LRRC49: variants seen among roughly 807,000 people sequenced by gnomAD.
The protein encoded by LRRC49 is leucine rich repeat containing 49.
LRRC49 carries 50 observed loss-of-function variants against 83.3 expected under a neutral mutation model. That is an observed-to-expected ratio of 0.60 (90% CI 0.48 to 0.76). The LOEUF (loss-of-function observed/expected upper bound fraction) is 0.76, where lower values mean the gene tolerates loss of function less well. LRRC49 is among the 30% of genes least tolerant of loss of function. The pLI, the probability that LRRC49 is intolerant of heterozygous loss-of-function variation, is 0.00. For synonymous variants in LRRC49, 286 were observed against 283.3 expected, an observed-to-expected ratio of 1.01 and a Z score of -0.10; for missense variants, 704 against 809.1, an observed-to-expected ratio of 0.87 and a Z score of 1.58.
intron 1 of LRRC49, chr15:70,860,292 C>G: frequency 1.9e-6 from 1 of 534,110 alleles, no homozygotes; most frequent in East Asian, 3.3e-5. Context: ...TCAGCCCACC[C>G]GCGGGGGAGT....
At chr15:71,034,991 A>G (rs934043363) in intron 14 of LRRC49, among the ~76,000 whole-genome samples, 1 of 152,164 alleles carries the variant, frequency 6.6e-6, no homozygotes, top group African/African-American at 2.4e-5. Context: ...ACCATGATAA[A>G]TGTTTCACTG....
chr15:70,991,939 C>T (rs2037897083), intron 11 of LRRC49, among the ~76,000 whole-genome samples: 1 of 152,158 alleles, frequency 6.6e-6, no homozygotes, highest in Non-Finnish European at 1.5e-5. Flanking sequence ...TATATTTAGG[C>T]AAATATGCTT....
chr15:70,864,190 TTAA>T (rs1227918903), intron 1 of LRRC49, among the ~76,000 whole-genome samples: 1 of 152,106 alleles, frequency 6.6e-6, no homozygotes, highest in Non-Finnish European at 1.5e-5. Context: ...GGTTTGTGTA[TTAA>T]TAACATTAGT....
intron 2 of LRRC49, among the ~76,000 whole-genome samples, chr15:70,878,953 C>T (rs991382984): frequency 6.6e-6 from 1 of 152,182 alleles, no homozygotes; most frequent in East Asian, 1.9e-4. Context: ...TAGGTTAATG[C>T]TGAACTCATG....
chr15:70,968,865 G>T (rs887994850), intron 9 of LRRC49, among the ~76,000 whole-genome samples: 1 of 152,214 alleles, frequency 6.6e-6, no homozygotes, highest in South Asian at 2.1e-4. Context: ...TACGTTCCTT[G>T]TAGATTCTGG....
intron 8 of LRRC49, among the ~76,000 whole-genome samples, chr15:70,953,927 C>A (rs2036308986): frequency 6.6e-6 from 1 of 151,866 alleles, no homozygotes; most frequent in Non-Finnish European, 1.5e-5. Context: ...CAGAGTCTTG[C>A]TCTGTCTCCT....
chr15:70,883,538 A>T (rs1345192821), intron 2 of LRRC49, among the ~76,000 whole-genome samples: 1 of 152,098 alleles, frequency 6.6e-6, no homozygotes, highest in East Asian at 1.9e-4. Context: ...CTTAGCAGTC[A>T]TATTATTCTA....
chr15:70,856,311 TA>T (rs1173802087), intron 1 of LRRC49, among the ~76,000 whole-genome samples: 1 of 152,180 alleles, frequency 6.6e-6, no homozygotes, highest in Non-Finnish European at 1.5e-5. Context: ...TTGTTTCTGT[TA>T]TTACTTATTT....
chr15:70,998,150 C>T (rs975545156), intron 11 of LRRC49, among the ~76,000 whole-genome samples: 1 of 152,068 alleles, frequency 6.6e-6, no homozygotes, highest in Admixed American at 6.6e-5. Context: ...ACATTGTGTG[C>T]ACATTATAGA....
intron 7 of LRRC49, among the ~76,000 whole-genome samples, chr15:70,935,152 C>G (rs376138864): frequency 1.3e-5 from 2 of 152,152 alleles, no homozygotes; most frequent in South Asian, 2.1e-4. Flanking sequence ...AGACTTACTC[C>G]TTGGCCATGA....
chr15:70,874,460 G>T (rs2033112011), intron 2 of LRRC49, among the ~76,000 whole-genome samples: 1 of 152,188 alleles, frequency 6.6e-6, no homozygotes, highest in Non-Finnish European at 1.5e-5. Flanking sequence ...ATAATAAGCT[G>T]GAGACTATGA....
intron 11 of LRRC49, among the ~76,000 whole-genome samples, chr15:70,989,934 G>A (rs1447016603): frequency 2.6e-5 from 4 of 152,266 alleles, no homozygotes; most frequent in Non-Finnish European, 4.4e-5. Context: ...CAGCGGTGGC[G>A]GCAGAACAGC....
chr15:71,007,744 G>T lies in LRRC49; in HGVS notation c.1170-635G>T, dbSNP rs1596132150. On this transcript the variant is annotated intron_variant, in intron 11 of 15. Transcript: ENST00000260382. ...ATATATATATATATATATATATAGT[G>T]TGTATATATAATATAAATAATGATT... 2.8e-5 allele frequency among the ~76,000 whole-genome samples: 4 copies of T among 141,740 alleles called. No individual in the cohort carries two copies. The South Asian group carries it at 8.7e-4, about 31-fold the overall frequency. 93.0% of individuals were successfully genotyped at this position (141,740 alleles called of 152,430 possible).
chr15:70,933,760 G>T (rs1282219479), intron 7 of LRRC49, among the ~76,000 whole-genome samples: 3 of 152,216 alleles, frequency 2.0e-5, no homozygotes, highest in Admixed American at 2.0e-4. Flanking sequence ...GTCTTTCAAT[G>T]CAGGGGCTTA....
chr15:70,944,478 C>T (rs1480648265), intron 8 of LRRC49, among the ~76,000 whole-genome samples: 1 of 152,146 alleles, frequency 6.6e-6, no homozygotes, highest in Non-Finnish European at 1.5e-5. Context: ...GATCTCCGTT[C>T]ACCGCAACCT....
Position 71,037,230 on chromosome 15 carries a change from T to C in LRRC49, c.1755T>C (p.Ile585=). 6.2e-7 allele frequency: 1 copy of C among 1,611,206 alleles called. No individual in the cohort carries two copies. Among genetic ancestry groups the C allele is most frequent in the Non-Finnish European group, 8.5e-7 (1 of 1,178,404 alleles). ...LLESKGKKPG[I]INEENNDSKR... ...AATCCAAAGGAAAAAAACCTGGTAT[T>C]ATCAACGAAGAAAATAATGACAGCA... is the stretch of plus-strand genomic sequence containing the variant. The change falls in exon 15 of 16, where the codon ATT becomes ATC. Residue 585 remains isoleucine (I), a synonymous_variant. Transcript: ENST00000260382.
At chr15:71,004,441 G>A (rs1245677984) in intron 11 of LRRC49, among the ~76,000 whole-genome samples, 1 of 152,156 alleles carries the variant, frequency 6.6e-6, no homozygotes, top group Non-Finnish European at 1.5e-5. Context: ...CTTGAGGTCA[G>A]GAGTTCGAGA....
At chr15:70,979,741 T>C (rs2037333230) in intron 9 of LRRC49, among the ~76,000 whole-genome samples, 1 of 152,168 alleles carries the variant, frequency 6.6e-6, no homozygotes, top group Non-Finnish European at 1.5e-5. Flanking sequence ...GTATCACTTT[T>C]ATCCTTCTTA....
upstream of LRRC49, chr15:70,892,365 C>T (rs1337806000): frequency 3.9e-6 from 6 of 1,547,614 alleles, no homozygotes; most frequent in Admixed American, 1.2e-4. Context: ...AAGTCCTCCC[C>T]TCCTCACCTG....
Sources: gnomAD v4.1 joint callset for allele counts (sites outside exome capture counted in the v4.1 genomes callset) on GRCh38, gnomAD v4.1.1 for gene constraint, MANE v1.5 for transcripts, NCBI Gene and HGNC (gene_info 2026-07-23, HGNC 2026-07-21) for gene names.